PKIB: variants seen among roughly 807,000 people sequenced by gnomAD.
The protein encoded by PKIB is PKI-beta.
PKIB carries 2 observed loss-of-function variants against 4.5 expected under a neutral mutation model. The ratio of observed to expected loss-of-function variants is 0.44; its 90% CI spans 0.18 to 1.39. The LOEUF (loss-of-function observed/expected upper bound fraction) is 1.39. Among genes scored for constraint, PKIB ranks in the 40% most tolerant of loss-of-function variants. The pLI, the probability that PKIB is intolerant of heterozygous loss-of-function variation, is 0.27. For synonymous variants in PKIB, 38 were observed against 36.0 expected, an observed-to-expected ratio of 1.06 and a Z score of -0.20; for missense variants, 94 against 92.6, an observed-to-expected ratio of 1.02 and a Z score of -0.06.
chr6:122,604,894 A>G (rs1405462803), intron 3 of PKIB, among the ~76,000 whole-genome samples: 1 of 152,158 alleles, frequency 6.6e-6, no homozygotes, highest in Non-Finnish European at 1.5e-5. Flanking sequence ...TTTGTTAGGA[A>G]ATTTCTATTT....
intron 2 of PKIB, among the ~76,000 whole-genome samples, chr6:122,537,390 C>T (rs1048976074): frequency 1.3e-5 from 2 of 151,930 alleles, no homozygotes; most frequent in African/African-American, 4.8e-5. Context: ...TTGTTCAATT[C>T]CCACCTATGA....
chr6:122,517,230 T>C (rs980581861), intron 2 of PKIB, among the ~76,000 whole-genome samples: 3 of 152,142 alleles, frequency 2.0e-5, no homozygotes, highest in African/African-American at 7.2e-5. Context: ...TTATAGAATG[T>C]TTTCAGTACC....
chr6:122,572,879 T>A (rs571123758), intron 2 of PKIB, among the ~76,000 whole-genome samples: 4 of 151,934 alleles, frequency 2.6e-5, no homozygotes, highest in African/African-American at 7.3e-5. Flanking sequence ...CTAGAGGAAA[T>A]GGATAACTTC....
intron 2 of PKIB, among the ~76,000 whole-genome samples, chr6:122,568,799 C>G (rs1371626295): frequency 6.6e-6 from 1 of 151,938 alleles, no homozygotes; most frequent in Non-Finnish European, 1.5e-5. Context: ...AGCTGGGTGC[C>G]CAGCCTTGTA....
chr6:122,591,218 ACC>A (rs1491533112), intron 3 of PKIB, among the ~76,000 whole-genome samples: 134 of 139,906 alleles, frequency 9.6e-4, no homozygotes, highest in African/African-American at 1.5e-3. Context: ...ACACACACAC[ACC>A]CCCCACATAC....
intron 1 of PKIB, among the ~76,000 whole-genome samples, chr6:122,477,409 T>A (rs1239998742): frequency 6.6e-6 from 1 of 152,208 alleles, no homozygotes; most frequent in East Asian, 1.9e-4. Context: ...TGATTTCTTA[T>A]ATAAAAATCA....
chr6:122,694,592 G>A (rs1313306503), intron 3 of PKIB, among the ~76,000 whole-genome samples: 6 of 152,094 alleles, frequency 3.9e-5, no homozygotes, highest in Non-Finnish European at 7.4e-5. Flanking sequence ...AAGTGTTAAA[G>A]TGAAAAATCT....
At chr6:122,587,272 C>G (rs542555982) in intron 3 of PKIB, among the ~76,000 whole-genome samples, 1 of 151,964 alleles carries the variant, frequency 6.6e-6, no homozygotes, top group Non-Finnish European at 1.5e-5. Context: ...TGAGAACATG[C>G]GGTGTTTGGT....
chr6:122,652,263 A>G (rs2114882351), intron 2 of PKIB, among the ~76,000 whole-genome samples: 1 of 151,286 alleles, frequency 6.6e-6, no homozygotes, highest in Non-Finnish European at 1.5e-5. Flanking sequence ...ACATACCTAT[A>G]TATATATGTT....
At position 122,522,593 on chromosome 6, in the gene PKIB, A is replaced by G. The variant is rs1422509916; in HGVS notation, c.-248+44654A>G. Among the ~76,000 whole-genome samples, 4 of 152,200 alleles carry G rather than the reference A, an allele frequency of 2.6e-5. No individual in the cohort carries two copies. In the East Asian group the frequency reaches 7.7e-4, roughly 29 times the overall value. ...GAATCTCCTGGTCTGTGGGTTGCAA[A>G]GACAGTGGGAAAAGTGTAGTATCTG... On this transcript the variant is annotated intron_variant, in intron 2 of 6. Transcript: ENST00000392491.
intron 2 of PKIB, among the ~76,000 whole-genome samples, chr6:122,487,989 T>G (rs1228300285): frequency 6.6e-6 from 1 of 152,184 alleles, no homozygotes; most frequent in Non-Finnish European, 1.5e-5. Flanking sequence ...ATTGTAAAGT[T>G]TCTGTTTCTC....
intron 2 of PKIB, among the ~76,000 whole-genome samples, chr6:122,537,141 T>C (rs1342974469): frequency 6.6e-6 from 1 of 152,058 alleles, no homozygotes; most frequent in South Asian, 2.1e-4. Flanking sequence ...TATTCTTCTT[T>C]CTGACAGAAT....
At chr6:122,513,124 A>T (rs1444854889) in intron 2 of PKIB, among the ~76,000 whole-genome samples, 1 of 152,158 alleles carries the variant, frequency 6.6e-6, no homozygotes, top group African/African-American at 2.4e-5. Flanking sequence ...AGACCATATT[A>T]TCATCCTCAA....
chr6:122,524,517 TC>T (rs1777041494), intron 2 of PKIB, among the ~76,000 whole-genome samples: 1 of 152,160 alleles, frequency 6.6e-6, no homozygotes, highest in South Asian at 2.1e-4. Flanking sequence ...GGAAGTTCCC[TC>T]CTCTTCAATT....
rs1275010219 is a variant in PKIB at position 122,725,348 on chromosome 6, A to G, written c.*153A>G. The G allele has an allele frequency of 3.2e-6, 2 of 622,848 alleles. No homozygotes were observed. 38.6% of individuals were successfully genotyped at this position (622,848 alleles called of 1,614,324 possible). A position where few individuals can be genotyped will look rare whatever the true frequency, so the allele number is the denominator to read the frequency against. ...AGATAATTGTGTTGTGATGCTACTCACTTTGATTGCAATGATGATGTCCAA... is the reference window on the plus strand; with the variant it reads ...AGATAATTGTGTTGTGATGCTACTCGCTTTGATTGCAATGATGATGTCCAA... On this transcript the variant is annotated 3_prime_UTR_variant, in exon 5 of 5. Transcript: ENST00000368452.
At chr6:122,593,115 G>T (rs1056847656) in intron 3 of PKIB, among the ~76,000 whole-genome samples, 1 of 152,152 alleles carries the variant, frequency 6.6e-6, no homozygotes, top group African/African-American at 2.4e-5. Context: ...TTTACTGAGA[G>T]AATTTGTTTA....
In PKIB at chr6:122,633,290, G is replaced by A. The variant is rs1486642166; in HGVS notation, c.-153G>A. On this transcript the variant is annotated 5_prime_UTR_variant, in exon 2 of 5. It removes an upstream start codon present in the reference 5' UTR. Transcript: ENST00000368452. The stretch of plus-strand genomic sequence containing the variant: ...TGCCTTTGTTTCCTTCAGGAGTCAT[G>A]CTATACTGAAAAGACACTTCATCAA... 3 of 152,142 alleles carry A rather than the reference G, an allele frequency of 2.0e-5. No homozygotes were observed. Among genetic ancestry groups the A allele is most frequent in the African/African-American group, 4.8e-5 (2 of 41,428 alleles). 9.4% of individuals were successfully genotyped at this position (152,142 alleles called of 1,614,324 possible). A position where few individuals can be genotyped will look rare whatever the true frequency, so the allele number is the denominator to read the frequency against.
intron 2 of PKIB, among the ~76,000 whole-genome samples, chr6:122,562,853 C>T (rs1487936242): frequency 6.6e-6 from 1 of 151,810 alleles, no homozygotes; most frequent in African/African-American, 2.4e-5. Flanking sequence ...GAATATTTCT[C>T]CCTTCACTTC....
At chr6:122,568,641 G>A (rs1292206205) in intron 2 of PKIB, among the ~76,000 whole-genome samples, 1 of 152,200 alleles carries the variant, frequency 6.6e-6, no homozygotes, top group Non-Finnish European at 1.5e-5. Context: ...AAGTCAGCCA[G>A]TGAGCTCAGG....
Sources: allele counts gnomAD v4.1 joint callset (sites outside exome capture counted in the v4.1 genomes callset), GRCh38; gene constraint gnomAD v4.1.1; transcripts MANE v1.5; gene names NCBI Gene and HGNC (gene_info 2026-07-23, HGNC 2026-07-21).